Variants in NLGN1 observed in about 807,000 individuals in gnomAD.
NLGN1 encodes neuroligin 1, also known as neuroligin-1.
A neutral mutation model predicts 65.5 loss-of-function variants in NLGN1; 12 were observed. That is an observed-to-expected ratio of 0.18 (90% confidence interval 0.12 to 0.30). The LOEUF is 0.30. Among genes scored for constraint, NLGN1 ranks in the 10% least tolerant of loss-of-function variants. The pLI, the probability that NLGN1 is intolerant of heterozygous loss-of-function variation, is 1.00. For missense variants in NLGN1, 750 were observed against 1,007.1 expected (o/e 0.74, Z 3.46); for synonymous variants, 350 against 359.5 (o/e 0.97, Z 0.30).
intron 4 of NLGN1, among the ~76,000 whole-genome samples, chr3:173,976,151 A>C (rs1717397840): frequency 2.0e-5 from 3 of 152,046 alleles, no homozygotes; most frequent in Non-Finnish European, 4.4e-5. Flanking sequence ...TATGTTGCAA[A>C]ATGTATTGCT....
intron 2 of NLGN1, among the ~76,000 whole-genome samples, chr3:173,438,059 G>C (rs1241011433): frequency 1.3e-5 from 2 of 151,968 alleles, no homozygotes; most frequent in African/African-American, 2.4e-5. Context: ...ATCAAGGGAA[G>C]TGAGTCCTGA....
At chr3:173,729,848 T>C (rs1244397951) in intron 3 of NLGN1, among the ~76,000 whole-genome samples, 1 of 152,082 alleles carries the variant, frequency 6.6e-6, no homozygotes, top group East Asian at 1.9e-4. Context: ...AAATTTTTAC[T>C]GATTACCAAT....
chr3:173,579,565 G>C (rs1746058011), intron 2 of NLGN1, among the ~76,000 whole-genome samples: 1 of 152,180 alleles, frequency 6.6e-6, no homozygotes, highest in Non-Finnish European at 1.5e-5. Context: ...GAAATATAAA[G>C]ATACATCTGG....
At chr3:173,591,878 A>T (rs1368116892) in intron 2 of NLGN1, among the ~76,000 whole-genome samples, 2 of 152,220 alleles carry the variant, frequency 1.3e-5, no homozygotes, top group Non-Finnish European at 2.9e-5. Flanking sequence ...GGAAGCAATG[A>T]CTTGTGACCC....
intron 3 of NLGN1, among the ~76,000 whole-genome samples, chr3:173,807,085 A>G (rs567008131): frequency 6.6e-6 from 1 of 152,318 alleles, no homozygotes; most frequent in South Asian, 2.1e-4. Flanking sequence ...GCACAGATGT[A>G]CATGACTTTC....
At chr3:173,598,142 A>G (rs933133851) in intron 2 of NLGN1, among the ~76,000 whole-genome samples, 2 of 152,192 alleles carry the variant, frequency 1.3e-5, no homozygotes, top group Non-Finnish European at 2.9e-5. Context: ...TTTAATTACA[A>G]CTTGATACAA....
At chr3:173,595,208 C>T (rs1463717740) in intron 2 of NLGN1, among the ~76,000 whole-genome samples, 4 of 152,132 alleles carry the variant, frequency 2.6e-5, no homozygotes, top group Non-Finnish European at 5.9e-5. Flanking sequence ...TTATGCTCTG[C>T]CTCCCTTGAA....
At chr3:173,462,945 C>G (rs1723652322) in intron 2 of NLGN1, among the ~76,000 whole-genome samples, 1 of 152,128 alleles carries the variant, frequency 6.6e-6, no homozygotes. Flanking sequence ...GTTTTCTTAG[C>G]TTCCTTCAGT....
chr3:174,264,515 C>T (rs1276970906), intron 4 of NLGN1, among the ~76,000 whole-genome samples: 1 of 150,728 alleles, frequency 6.6e-6, no homozygotes, highest in African/African-American at 2.4e-5. Flanking sequence ...AGTTCTCAAG[C>T]CTTGGTTTTC....
At chr3:174,223,829 AT>A (rs1192892871) in intron 4 of NLGN1, among the ~76,000 whole-genome samples, 2 of 152,180 alleles carry the variant, frequency 1.3e-5, no homozygotes, top group East Asian at 3.9e-4. Flanking sequence ...AATTTACCAA[AT>A]CATTAACTTC....
chr3:173,503,550 G>A (rs1340630866), intron 2 of NLGN1, among the ~76,000 whole-genome samples: 1 of 152,006 alleles, frequency 6.6e-6, no homozygotes, highest in African/African-American at 2.4e-5. Context: ...ATTTGTAGAA[G>A]ATTTTACTTT....
chr3:173,520,365 GAACA>G (rs1194164322), intron 2 of NLGN1, among the ~76,000 whole-genome samples: 1 of 152,140 alleles, frequency 6.6e-6, no homozygotes, highest in East Asian at 1.9e-4. Flanking sequence ...AGATGAGAAT[GAACA>G]AATATAGGGA....
Position 174,112,280 on chromosome 3 carries a change from A to G in NLGN1, c.647-163035A>G, listed in dbSNP as rs114593530. On this transcript the variant is annotated intron_variant, in intron 4 of 6. Coordinates refer to ENST00000457714, the Ensembl canonical transcript of NLGN1. Reference sequence around the variant, plus strand: ...GTCACTGGATATTGAAATAGATAAGATGATTGATTAATAAATGGAAATCAA... The same window carrying G: ...GTCACTGGATATTGAAATAGATAAGGTGATTGATTAATAAATGGAAATCAA... 2.4e-3 allele frequency among the ~76,000 whole-genome samples: 358 copies of G among 152,104 alleles called. 4 individuals are homozygous for G. Among genetic ancestry groups the G allele is most frequent in the Non-Finnish European group, 4.3e-3 (289 of 67,882 alleles).
chr3:173,450,911 A>T (rs1670591389), intron 2 of NLGN1, among the ~76,000 whole-genome samples: 1 of 152,176 alleles, frequency 6.6e-6, no homozygotes, highest in African/African-American at 2.4e-5. Context: ...TTTCAGCTCC[A>T]TCAGGTCCCT....
exon 7 of NLGN1, chr3:174,281,425 A>T (rs1039696640): frequency 3.0e-6 from 2 of 674,842 alleles, no homozygotes; most frequent in Non-Finnish European, 5.1e-6. Flanking sequence ...GTGAATATAC[A>T]TATCAAGAAC....
chr3:173,502,076 G>A (rs921026882), intron 2 of NLGN1, among the ~76,000 whole-genome samples: 2 of 152,066 alleles, frequency 1.3e-5, no homozygotes, highest in Non-Finnish European at 2.9e-5. Flanking sequence ...TTATGACTCT[G>A]TATGTTAAGT....
intron 4 of NLGN1, among the ~76,000 whole-genome samples, chr3:174,092,517 A>AC (rs1226801884): frequency 2.7e-5 from 4 of 149,138 alleles, no homozygotes; most frequent in African/African-American, 7.5e-5. Context: ...TTTGGCAATT[A>AC]TTAAAAAAAA....
chr3:174,260,490 G>A (rs1746684836), intron 4 of NLGN1, among the ~76,000 whole-genome samples: 1 of 151,872 alleles, frequency 6.6e-6, no homozygotes, highest in Non-Finnish European at 1.5e-5. Context: ...CTTCTTTTGA[G>A]AAGTGTCTGT....
chr3:173,588,086 A>G (rs997183865), intron 2 of NLGN1, among the ~76,000 whole-genome samples: 1 of 152,234 alleles, frequency 6.6e-6, no homozygotes, highest in African/African-American at 2.4e-5. Flanking sequence ...GAAATAAAAA[A>G]GAACAAAAAC....
Sources: gnomAD v4.1 joint callset for allele counts (sites outside exome capture counted in the v4.1 genomes callset) on GRCh38, gnomAD v4.1.1 for gene constraint, MANE v1.5 for transcripts, NCBI Gene and HGNC (gene_info 2026-07-23, HGNC 2026-07-21) for gene names.